The following SPG21 variants were observed in gnomAD, a reference collection of about 807,000 sequenced individuals.
SPG21 encodes SPG21 abhydrolase domain containing, maspardin, also known as maspardin.
In SPG21, 26 loss-of-function variants were observed where a neutral mutation model predicts 38.9. The observed-to-expected ratio is 0.67, with a 90% CI of 0.49 to 0.93. The LOEUF is 0.93. Ranked by LOEUF, SPG21 falls within the 40% of genes least tolerant of loss-of-function variation. The probability of loss-of-function intolerance (pLI) is 0.00; values close to 1 mark genes in which losing one functional copy is unlikely to be tolerated. For missense variants in SPG21, 333 were observed against 376.5 expected (o/e 0.88, Z 0.96); for synonymous variants, 136 against 128.9 (o/e 1.05, Z -0.37).
intron 4 of SPG21, among the ~76,000 whole-genome samples, chr15:64,975,750 C>G (rs1406605019): frequency 6.6e-6 from 1 of 151,972 alleles, no homozygotes; most frequent in African/African-American, 2.4e-5. Context: ...CAAGATATGG[C>G]ATATTTATAA....
intron 6 of SPG21, 31 bp downstream of exon 6, chr15:64,970,083 T>A: frequency 6.5e-7 from 1 of 1,544,710 alleles, no homozygotes. Context: ...CCCAATACAA[T>A]GTGTCCCCAA....
Position 64,976,382 on chromosome 15 carries a change from G to A in SPG21, c.306+93C>T, listed in dbSNP as rs538028101. ...GGAGGTTGCGGTGAGCCGAGATCGC[G>A]CCACTGCACTCCAGCCTGGGTGACA... is the stretch of plus-strand genomic sequence containing the variant. On this transcript the variant is annotated intron_variant, in intron 4 of 8. Coordinates refer to ENST00000204566, the MANE Select transcript of SPG21 (RefSeq NM_016630.7). 124 of 855,496 alleles carry A rather than the reference G, an allele frequency of 1.4e-4. No individual in the cohort carries two copies. The African/African-American group carries it at 1.7e-3, about 12-fold the overall frequency. 53.0% of individuals were successfully genotyped at this position (855,496 alleles called of 1,614,324 possible). A position where few individuals can be genotyped will look rare whatever the true frequency, so the allele number is the denominator to read the frequency against.
chr15:64,975,530 A>AG (rs2085757934), intron 4 of SPG21, among the ~76,000 whole-genome samples: 1 of 149,782 alleles, frequency 6.7e-6, no homozygotes, highest in African/African-American at 2.4e-5. Context: ...CCTGTCTCAA[A>AG]AAAAAAAAAA....
At chr15:64,975,787 C>T (rs567152674) in intron 4 of SPG21, among the ~76,000 whole-genome samples, 1 of 151,896 alleles carries the variant, frequency 6.6e-6, no homozygotes, top group Non-Finnish European at 1.5e-5. Context: ...TAAAGAGAAA[C>T]GAAGTATTGA....
intron 7 of SPG21, 21 bp from the exon 8 acceptor site, chr15:64,965,481 C>T (rs1340525382): frequency 6.2e-7 from 1 of 1,614,134 alleles, no homozygotes; most frequent in Non-Finnish European, 8.5e-7. Flanking sequence ...CACAAAGCTT[C>T]AGCACCATAG....
intron 4 of SPG21, among the ~76,000 whole-genome samples, chr15:64,976,225 G>A (rs186424378): frequency 1.1e-4 from 17 of 152,220 alleles, no homozygotes; most frequent in Non-Finnish European, 1.6e-4. Flanking sequence ...AGGAGTTTGA[G>A]AGCAGCCTGG....
intron 6 of SPG21, among the ~76,000 whole-genome samples, 160 bp from the exon 7 acceptor site, chr15:64,969,522 C>A (rs2085616928): frequency 6.6e-6 from 1 of 152,172 alleles, no homozygotes; most frequent in South Asian, 2.1e-4. Context: ...AGACCATGAA[C>A]TGGGCTTCTC....
intron 7 of SPG21, among the ~76,000 whole-genome samples, chr15:64,969,038 G>A (rs1410030906): frequency 6.6e-6 from 1 of 152,082 alleles, no homozygotes; most frequent in Non-Finnish European, 1.5e-5. Context: ...CACTGTGCTC[G>A]GCCTATTTTG....
At chr15:64,985,851 G>C (rs1225964178) in intron 1 of SPG21, among the ~76,000 whole-genome samples, 2 of 152,230 alleles carry the variant, frequency 1.3e-5, no homozygotes, top group African/African-American at 4.8e-5. Context: ...GGAGACAGCA[G>C]ATGTAGACAT....
intron 3 of SPG21, among the ~76,000 whole-genome samples, chr15:64,977,918 G>A (rs373611081): frequency 6.6e-6 from 1 of 152,040 alleles, no homozygotes; most frequent in African/African-American, 2.4e-5. Context: ...CACCTCCCAG[G>A]TTCAAGCGAT....
intron 3 of SPG21, among the ~76,000 whole-genome samples, chr15:64,979,792 C>T (rs1376228247): frequency 6.7e-6 from 1 of 148,970 alleles, no homozygotes; most frequent in African/African-American, 2.5e-5. Flanking sequence ...TAAAGAGACT[C>T]TCTCCTTCCT....
At chr15:64,968,625 G>A (rs886764654) in intron 7 of SPG21, among the ~76,000 whole-genome samples, 2 of 152,010 alleles carry the variant, frequency 1.3e-5, no homozygotes, top group African/African-American at 4.8e-5. Flanking sequence ...GATGGTTGCC[G>A]AACTGTGAAT....
Position 64,963,676 on chromosome 15 carries a change from C to T in SPG21, c.871G>A (p.Ala291Thr), listed in dbSNP as rs1236363525. 30 of 1,614,048 alleles carry T rather than the reference C, an allele frequency of 1.9e-5. No homozygotes were observed. The highest frequency in any genetic ancestry group is 2.5e-5 in the Non-Finnish European group (29 of 1,180,040). Residue 291 changes from alanine (A) to threonine (T), a missense_variant, in exon 9 of 9, where the codon GCC (alanine) becomes ACC (threonine). Coordinates refer to ENST00000204566, the MANE Select transcript of SPG21 (RefSeq NM_016630.7). Reference protein sequence around the residue: ...YAAIDPSMVSAEELEVQKGSL... With the variant: ...YAAIDPSMVSTEELEVQKGSL... ...CCTTTCTGCACCTCAAGCTCCTCGG[C>T]ACTGACCATTGATGGGTCAATGGCC...
chr15:64,977,094 TCTC>T (rs1856698515), intron 3 of SPG21, among the ~76,000 whole-genome samples: 1 of 152,116 alleles, frequency 6.6e-6, no homozygotes, highest in South Asian at 2.1e-4. Flanking sequence ...TGAGACAGAG[TCTC>T]CTCTGTTGCC....
intron 1 of SPG21, among the ~76,000 whole-genome samples, chr15:64,986,351 G>C (rs939146450): frequency 6.6e-6 from 1 of 151,720 alleles, no homozygotes; most frequent in African/African-American, 2.4e-5. Context: ...GGGCGACAGA[G>C]TGAGACTCAA....
intron 6 of SPG21, among the ~76,000 whole-genome samples, chr15:64,969,736 T>C (rs1595869258): frequency 6.6e-6 from 1 of 151,866 alleles, no homozygotes; most frequent in Non-Finnish European, 1.5e-5. Flanking sequence ...TAAAAGAGAT[T>C]TGAGAAATCA....
Position 64,963,587 on chromosome 15 carries a change from C to A in SPG21, c.*33G>T, listed in dbSNP as rs142839353. The A allele has an allele frequency of 3.2e-6, 5 of 1,554,198 alleles. No individual in the cohort carries two copies. Among genetic ancestry groups the A allele is most frequent in the Non-Finnish European group, 4.4e-6 (5 of 1,126,794 alleles). ...TGCCACTGACTATACAAGAACACAC[C>A]GGGTCAACTCATCATTGACAGCGAG... On this transcript the variant is annotated 3_prime_UTR_variant, in exon 9 of 9. Coordinates refer to ENST00000204566, the MANE Select transcript of SPG21 (RefSeq NM_016630.7).
intron 4 of SPG21, among the ~76,000 whole-genome samples, chr15:64,975,256 C>G (rs1405141459): frequency 2.0e-5 from 3 of 149,690 alleles, no homozygotes; most frequent in African/African-American, 4.9e-5. Flanking sequence ...CCACTGCACT[C>G]CAGCCTGGGC....
chr15:64,986,718 AAAAAAAC>A (rs1466762705), intron 1 of SPG21, among the ~76,000 whole-genome samples: 129 of 141,152 alleles, frequency 9.1e-4, no homozygotes, highest in African/African-American at 3.2e-3. Flanking sequence ...AACAAAAAAC[AAAAAAAC>A]AAAAAACAAA....
Sources: gnomAD v4.1 joint callset for allele counts (sites outside exome capture counted in the v4.1 genomes callset) on GRCh38, gnomAD v4.1.1 for gene constraint, MANE v1.5 for transcripts, NCBI Gene and HGNC (gene_info 2026-07-23, HGNC 2026-07-21) for gene names.